The following INPP4B variants were observed in gnomAD, a reference collection of about 807,000 sequenced individuals.
The protein encoded by INPP4B is inositol polyphosphate 4-phosphatase type II.
INPP4B carries 55 observed loss-of-function variants against 122.5 expected under a neutral mutation model. The observed-to-expected ratio is 0.45, with a 90% CI of 0.36 to 0.56. The LOEUF is 0.56. INPP4B is among the 20% of genes least tolerant of loss of function. The pLI is 0.00. For synonymous variants in INPP4B, 403 were observed against 388.7 expected (o/e 1.04, Z -0.43); for missense variants, 1,000 against 1,097.7 (o/e 0.91, Z 1.26).
intron 1 of INPP4B, among the ~76,000 whole-genome samples, chr4:142,769,970 C>A (rs1012190240): frequency 6.6e-6 from 1 of 151,974 alleles, no homozygotes; most frequent in South Asian, 2.1e-4. Context: ...TGGACCCACA[C>A]GTTGGGTATT....
intron 2 of INPP4B, among the ~76,000 whole-genome samples, chr4:142,635,464 C>T (rs1748929080): frequency 6.6e-6 from 1 of 152,118 alleles, no homozygotes; most frequent in South Asian, 2.1e-4. Context: ...ACCTAAATGC[C>T]CATCAATGAC....
At chr4:142,305,873 T>G in intron 8 of INPP4B, 1 of 1,081,842 alleles carries the variant, frequency 9.2e-7, no homozygotes, top group Non-Finnish European at 1.1e-6. Flanking sequence ...TTTTCCATAT[T>G]TACCAATGCT....
intron 12 of INPP4B, among the ~76,000 whole-genome samples, chr4:142,234,469 C>T (rs1319517388): frequency 6.6e-6 from 1 of 152,122 alleles, no homozygotes; most frequent in African/African-American, 2.4e-5. Flanking sequence ...ACTGTATCTT[C>T]TTACACTCTA....
intron 16 of INPP4B, 61 bp from the exon 17 acceptor site, chr4:142,160,622 A>G: frequency 7.7e-7 from 1 of 1,293,672 alleles, no homozygotes; most frequent in South Asian, 1.5e-5. Context: ...TAGAGCTGTG[A>G]AAAGGTCAAT....
chr4:142,550,098 AG>A (rs1727612118), intron 2 of INPP4B, among the ~76,000 whole-genome samples: 2 of 152,156 alleles, frequency 1.3e-5, no homozygotes, highest in Non-Finnish European at 2.9e-5. Context: ...TGACCTGTCT[AG>A]GGTGCCACAA....
intron 11 of INPP4B, among the ~76,000 whole-genome samples, chr4:142,257,062 A>T (rs1030525897): frequency 1.3e-5 from 2 of 152,232 alleles, no homozygotes; most frequent in African/African-American, 4.8e-5. Flanking sequence ...TACGCAAATC[A>T]ATAAATGTAA....
At chr4:142,076,160 A>G (rs989053557) in intron 25 of INPP4B, among the ~76,000 whole-genome samples, 2 of 152,056 alleles carry the variant, frequency 1.3e-5, no homozygotes, top group African/African-American at 4.8e-5. Context: ...AGTATGGGAA[A>G]GAAATAGACT....
At chr4:142,528,004 C>A (rs1827151953) in intron 2 of INPP4B, among the ~76,000 whole-genome samples, 1 of 152,036 alleles carries the variant, frequency 6.6e-6, no homozygotes. Flanking sequence ...AATTTACTAT[C>A]ATGCACTAAA....
intron 7 of INPP4B, among the ~76,000 whole-genome samples, chr4:142,362,731 A>G (rs1785906589): frequency 6.6e-6 from 1 of 152,036 alleles, no homozygotes. Flanking sequence ...GAATTGATGC[A>G]GGACCAGAAA....
chr4:142,645,956 C>A (rs1284464392), intron 2 of INPP4B, among the ~76,000 whole-genome samples: 1 of 152,040 alleles, frequency 6.6e-6, no homozygotes, highest in Non-Finnish European at 1.5e-5. Context: ...AATACAGAGA[C>A]CTGTGTTATA....
intron 2 of INPP4B, among the ~76,000 whole-genome samples, chr4:142,567,500 C>T (rs1424483176): frequency 6.6e-6 from 1 of 152,134 alleles, no homozygotes. Context: ...TTAAAAGAAG[C>T]AGGGAGGCTC....
chr4:142,332,737 G>C (rs1397794106), intron 7 of INPP4B, among the ~76,000 whole-genome samples: 1 of 151,834 alleles, frequency 6.6e-6, no homozygotes, highest in East Asian at 1.9e-4. Flanking sequence ...CTGCGCAGTG[G>C]CTCACGCCTG....
chr4:142,076,955 C>T (rs1257999995), intron 25 of INPP4B, among the ~76,000 whole-genome samples: 4 of 151,916 alleles, frequency 2.6e-5, no homozygotes, highest in Non-Finnish European at 5.9e-5. Flanking sequence ...AATTGAACTA[C>T]ATTACTTAAA....
At chr4:142,360,011 C>G (rs116165998) in intron 7 of INPP4B, among the ~76,000 whole-genome samples, 126 of 151,992 alleles carry the variant, frequency 8.3e-4, no homozygotes, top group Admixed American at 1.8e-3. Flanking sequence ...AAAAATTATA[C>G]TAGAATGTTA....
At chr4:142,617,083 A>T (rs993203135) in intron 2 of INPP4B, among the ~76,000 whole-genome samples, 1 of 152,078 alleles carries the variant, frequency 6.6e-6, no homozygotes, top group Non-Finnish European at 1.5e-5. Context: ...TACCTCTAAG[A>T]TCTAAAAAAA....
chr4:142,399,680 C>T (rs1800970717), intron 7 of INPP4B, among the ~76,000 whole-genome samples: 1 of 152,124 alleles, frequency 6.6e-6, no homozygotes, highest in Non-Finnish European at 1.5e-5. Context: ...ACTATACGAA[C>T]TAGGGTTCTC....
At chr4:142,724,999 T>C (rs1432996549) in intron 2 of INPP4B, among the ~76,000 whole-genome samples, 1 of 152,130 alleles carries the variant, frequency 6.6e-6, no homozygotes, top group Admixed American at 6.5e-5. Context: ...TCATCACATC[T>C]TCATAGCTAA....
chr4:142,812,829 T>C (rs981921935), intron 1 of INPP4B, among the ~76,000 whole-genome samples: 2 of 152,180 alleles, frequency 1.3e-5, no homozygotes, highest in Admixed American at 1.3e-4. Context: ...ACAGGTTGTA[T>C]ATGTAAAAGC....
intron 23 of INPP4B, among the ~76,000 whole-genome samples, chr4:142,093,674 G>A (rs764046583): frequency 3.3e-5 from 5 of 152,050 alleles, no homozygotes; most frequent in Non-Finnish European, 5.9e-5. Context: ...AAATTATGTT[G>A]TTTTAGATAC....
Sources: allele counts gnomAD v4.1 joint callset (sites outside exome capture counted in the v4.1 genomes callset), GRCh38; gene constraint gnomAD v4.1.1; transcripts MANE v1.5; gene names NCBI Gene and HGNC (gene_info 2026-07-23, HGNC 2026-07-21).